The following CNTNAP2 variants were observed in gnomAD, a reference collection of about 807,000 sequenced individuals.
CNTNAP2 encodes the protein contactin-associated protein-like 2.
In CNTNAP2, 98 loss-of-function variants were observed where a neutral mutation model predicts 155.2. The ratio of observed to expected loss-of-function variants is 0.63; its 90% confidence interval spans 0.54 to 0.75. The LOEUF (loss-of-function observed/expected upper bound fraction) is 0.75, where lower values mean the gene tolerates loss of function less well. CNTNAP2 is among the 30% of genes least tolerant of loss of function. The probability of loss-of-function intolerance (pLI) is 0.00; values close to 1 mark genes in which losing one functional copy is unlikely to be tolerated. For missense variants in CNTNAP2, 1,727 were observed against 1,688.1 expected (o/e 1.02, Z -0.40); for synonymous variants, 651 against 631.2 (o/e 1.03, Z -0.47).
intron 15 of CNTNAP2, among the ~76,000 whole-genome samples, chr7:147,981,619 C>T (rs1268192368): frequency 6.6e-6 from 1 of 152,198 alleles, no homozygotes. Flanking sequence ...CTCTGCCCAA[C>T]CATTTCAGCA....
At position 147,367,803 on chromosome 7, in the gene CNTNAP2, A is replaced by G. The variant is rs529349624; in HGVS notation, c.1499-27806A>G. On this transcript the variant is annotated intron_variant, in intron 9 of 23. Coordinates refer to ENST00000361727, the MANE Select transcript of CNTNAP2 (RefSeq NM_014141.6). Reference sequence around the variant, plus strand: ...GTTTTTGTAAATTATCATTTTTAAAAAATTTTATGAGAAGCCTGAAAAGTG... The same window carrying G: ...GTTTTTGTAAATTATCATTTTTAAAGAATTTTATGAGAAGCCTGAAAAGTG... 2.0e-5 allele frequency among the ~76,000 whole-genome samples: 3 copies of G among 152,188 alleles called. No individual in the cohort carries two copies. In the South Asian group the frequency reaches 6.2e-4, roughly 32 times the overall value.
intron 3 of CNTNAP2, among the ~76,000 whole-genome samples, chr7:146,893,808 C>T (rs1259487378): frequency 6.6e-6 from 1 of 152,060 alleles, no homozygotes; most frequent in East Asian, 1.9e-4. Context: ...AGGAATAATC[C>T]ACTAAGCGCA....
intron 1 of CNTNAP2, among the ~76,000 whole-genome samples, chr7:146,159,375 A>G (rs1798180150): frequency 6.6e-6 from 1 of 152,204 alleles, no homozygotes; most frequent in Non-Finnish European, 1.5e-5. Context: ...GACAGAATCA[A>G]ATTCACACAT....
intron 2 of CNTNAP2, among the ~76,000 whole-genome samples, chr7:146,815,963 C>T (rs1397697904): frequency 6.6e-6 from 1 of 152,132 alleles, no homozygotes; most frequent in African/African-American, 2.4e-5. Context: ...GCCCTGTGTC[C>T]AAGTGTTCTC....
At chr7:147,202,754 A>C (rs1802947616) in intron 8 of CNTNAP2, among the ~76,000 whole-genome samples, 3 of 152,128 alleles carry the variant, frequency 2.0e-5, no homozygotes. Context: ...CAATGAGAAC[A>C]CATGGACACA....
chr7:147,761,542 C>A (rs1448686059), intron 13 of CNTNAP2, among the ~76,000 whole-genome samples: 2 of 152,326 alleles, frequency 1.3e-5, no homozygotes, highest in East Asian at 3.9e-4. Flanking sequence ...GCCATTAATT[C>A]ATCCAACCCT....
In CNTNAP2 at chr7:147,050,420, C is replaced by T. The variant is rs555946565; in HGVS notation, c.550+6366C>T. On this transcript the variant is annotated intron_variant, in intron 4 of 23. Coordinates refer to ENST00000361727, the MANE Select transcript of CNTNAP2 (RefSeq NM_014141.6). ...GCACCTTGGGAAACCAAGGTACACA[C>T]ATCGAAACTAATTTTTATATAGGCT... Among the ~76,000 whole-genome samples, 157 of 152,264 alleles carry T rather than the reference C, an allele frequency of 1.0e-3. 1 individual carries two copies. In the South Asian group the frequency reaches 0.032, roughly 31 times the overall value.
chr7:147,067,439 T>G (rs991493868), intron 4 of CNTNAP2, among the ~76,000 whole-genome samples: 1 of 152,144 alleles, frequency 6.6e-6, no homozygotes, highest in African/African-American at 2.4e-5. Flanking sequence ...CACCAACATT[T>G]GGGCAATGAG....
Position 146,650,983 on chromosome 7 carries a change from G to A in CNTNAP2, c.98-123288G>A, listed in dbSNP as rs138675635. Among the ~76,000 whole-genome samples, 475 of 151,920 alleles carry A rather than the reference G, an allele frequency of 3.1e-3. 4 individuals carry two copies. In the East Asian group the frequency reaches 0.033, roughly 11 times the overall value. On this transcript the variant is annotated intron_variant, in intron 1 of 23. Coordinates refer to ENST00000361727, the MANE Select transcript of CNTNAP2 (RefSeq NM_014141.6). ...TGCAGTGAGATATGATCACGCTGGT[G>A]GATAGTGACTGCACTCCAGCCTGGG...
At chr7:148,412,089 C>T (rs975071180) in intron 23 of CNTNAP2, among the ~76,000 whole-genome samples, 5 of 148,446 alleles carry the variant, frequency 3.4e-5, no homozygotes, top group South Asian at 4.5e-4. Flanking sequence ...ATTACAGGCA[C>T]GCACCACCAT....
At chr7:147,902,638 A>G (rs1799888375) in intron 13 of CNTNAP2, among the ~76,000 whole-genome samples, 2 of 152,162 alleles carry the variant, frequency 1.3e-5, no homozygotes, top group African/African-American at 4.8e-5. Context: ...GCTCCCACTT[A>G]TGAGTGAGAA....
chr7:148,217,213 T>A (rs774315300), intron 18 of CNTNAP2, 75 bp from the exon 19 acceptor site: 1 of 1,462,654 alleles, frequency 6.8e-7, no homozygotes, highest in South Asian at 1.1e-5. Context: ...CTCCATGAAC[T>A]GCTGGAGAGG....
chr7:148,052,000 G>A (rs1030942538), intron 15 of CNTNAP2, among the ~76,000 whole-genome samples: 3 of 152,078 alleles, frequency 2.0e-5, no homozygotes, highest in Non-Finnish European at 2.9e-5. Flanking sequence ...TTAGCCGGGC[G>A]TGGTGGCAGG....
chr7:147,417,579 G>C (rs902728512), intron 10 of CNTNAP2, among the ~76,000 whole-genome samples: 1 of 152,152 alleles, frequency 6.6e-6, no homozygotes, highest in Non-Finnish European at 1.5e-5. Flanking sequence ...GCACATTAGA[G>C]AACGTCTACA....
intron 1 of CNTNAP2, among the ~76,000 whole-genome samples, chr7:146,173,764 T>A (rs1023507646): frequency 6.6e-6 from 1 of 152,226 alleles, no homozygotes; most frequent in African/African-American, 2.4e-5. Flanking sequence ...ATGCCGTACA[T>A]GCAAATATAC....
intron 1 of CNTNAP2, among the ~76,000 whole-genome samples, chr7:146,184,621 T>C (rs964071852): frequency 1.3e-5 from 2 of 152,244 alleles, no homozygotes; most frequent in African/African-American, 4.8e-5. Context: ...TACCAACCTC[T>C]TCCTGAAAGC....
At chr7:147,632,338 C>T (rs910461748) in intron 12 of CNTNAP2, among the ~76,000 whole-genome samples, 4 of 152,100 alleles carry the variant, frequency 2.6e-5, no homozygotes, top group African/African-American at 9.7e-5. Flanking sequence ...ATTGTAGTTC[C>T]CATGATCCCC....
At chr7:147,622,800 T>C (rs1214899232) in intron 12 of CNTNAP2, among the ~76,000 whole-genome samples, 3 of 151,738 alleles carry the variant, frequency 2.0e-5, no homozygotes, top group Non-Finnish European at 4.4e-5. Flanking sequence ...ATAAATAAAA[T>C]TGAAGAAAAC....
chr7:146,690,182 C>T (rs898958540), intron 1 of CNTNAP2, among the ~76,000 whole-genome samples: 1 of 151,998 alleles, frequency 6.6e-6, no homozygotes, highest in African/African-American at 2.4e-5. Flanking sequence ...AGTCTTCCAA[C>T]AACAGTTCAA....
Sources: gnomAD v4.1 joint callset for allele counts (sites outside exome capture counted in the v4.1 genomes callset) on GRCh38, gnomAD v4.1.1 for gene constraint, MANE v1.5 for transcripts, NCBI Gene and HGNC (gene_info 2026-07-23, HGNC 2026-07-21) for gene names.